IMMP2L: variants seen among roughly 807,000 people sequenced by gnomAD.
IMMP2L encodes the protein inner mitochondrial membrane peptidase subunit 2.
Under a neutral mutation model 19.3 loss-of-function variants are expected in IMMP2L, and 18 were observed. The observed-to-expected ratio is 0.93, with a 90% CI of 0.64 to 1.38. IMMP2L has a LOEUF of 1.38. Among genes scored for constraint, IMMP2L ranks in the 40% most tolerant of loss-of-function variants. The probability of loss-of-function intolerance (pLI) is 0.00; values close to 1 mark genes in which losing one functional copy is unlikely to be tolerated. For synonymous variants in IMMP2L, 76 were observed against 73.0 expected (o/e 1.04, Z -0.21); for missense variants, 233 against 218.2 (o/e 1.07, Z -0.43).
rs1418927843 is a variant in IMMP2L, at chr7:111,312,460, G to A, written c.239+174778C>T. Among the ~76,000 whole-genome samples the A allele has an allele frequency of 5.3e-5, 8 of 152,114 alleles. No homozygotes were observed. The East Asian group carries it at 1.3e-3, about 26-fold the overall frequency. On this transcript the variant is annotated intron_variant, in intron 3 of 5. Transcript: ENST00000405709. ...CTGCATCATTACTGCAATGATAAAA[G>A]ACAAGACAATTTGTGTTGGCAGTGG...
chr7:110,915,906 G>A (rs1265622020), intron 4 of IMMP2L, among the ~76,000 whole-genome samples: 1 of 152,168 alleles, frequency 6.6e-6, no homozygotes, highest in Non-Finnish European at 1.5e-5. Context: ...GCCATCTCCT[G>A]AGACATCCTA....
chr7:111,213,162 C>T lies in IMMP2L; in HGVS notation c.240-249597G>A, dbSNP rs991320819. ...GGCTCAGAGGTGCCTGCTGTCACTGCCTCGCCTCTCCTTGCTCCCTGCACT... is the reference window on the plus strand; with the variant it reads ...GGCTCAGAGGTGCCTGCTGTCACTGTCTCGCCTCTCCTTGCTCCCTGCACT... On this transcript the variant is annotated intron_variant, in intron 3 of 5. Transcript: ENST00000405709. This position sits in a 1 kb window ranked among gnomAD's most constrained non-coding sequence, Gnocchi z 4.8. Among the ~76,000 whole-genome samples, 2 of 152,224 alleles carry T rather than the reference C, an allele frequency of 1.3e-5. No homozygotes were observed. The highest frequency in any genetic ancestry group is 2.9e-5 in the Non-Finnish European group (2 of 68,038).
chr7:111,390,134 C>A (rs1449142710), intron 3 of IMMP2L, among the ~76,000 whole-genome samples: 4 of 152,134 alleles, frequency 2.6e-5, no homozygotes, highest in Non-Finnish European at 5.9e-5. Flanking sequence ...CAGTAGACAG[C>A]CGCCAGGTCA....
At chr7:111,298,926 G>A (rs1309626368) in intron 3 of IMMP2L, among the ~76,000 whole-genome samples, 1 of 151,914 alleles carries the variant, frequency 6.6e-6, no homozygotes, top group South Asian at 2.1e-4. Context: ...AAAATAAAGG[G>A]GTTAATATTG....
At chr7:111,470,637 C>T (rs1288976560) in intron 3 of IMMP2L, among the ~76,000 whole-genome samples, 1 of 149,148 alleles carries the variant, frequency 6.7e-6, no homozygotes, top group Middle Eastern at 3.4e-3. Context: ...AAAAACCAAA[C>T]ACCGCATGTT....
intron 5 of IMMP2L, among the ~76,000 whole-genome samples, chr7:110,876,001 G>T (rs912250801): frequency 3.3e-5 from 5 of 152,034 alleles, no homozygotes; most frequent in African/African-American, 1.2e-4. Context: ...CTTGAAAGTA[G>T]TGTGAACATT....
At chr7:111,140,156 T>C (rs968744569) in intron 3 of IMMP2L, among the ~76,000 whole-genome samples, 3 of 151,362 alleles carry the variant, frequency 2.0e-5, no homozygotes, top group Non-Finnish European at 3.0e-5. Flanking sequence ...AAAGACAGAG[T>C]TGGGGCAAGA....
intron 3 of IMMP2L, among the ~76,000 whole-genome samples, chr7:111,441,582 C>A: frequency 6.6e-6 from 1 of 151,484 alleles, no homozygotes. Context: ...ATAATCATAG[C>A]AGATATAATA....
At chr7:111,361,966 C>T (rs1829301313) in intron 3 of IMMP2L, among the ~76,000 whole-genome samples, 1 of 152,024 alleles carries the variant, frequency 6.6e-6, no homozygotes, top group African/African-American at 2.4e-5. Context: ...ACACAACATA[C>T]ATTTTCAGTT....
chr7:110,666,072 C>T (rs957386337), intron 5 of IMMP2L, among the ~76,000 whole-genome samples: 12 of 152,150 alleles, frequency 7.9e-5, no homozygotes, highest in Admixed American at 7.2e-4. Flanking sequence ...TCTGTGACTA[C>T]TTTTTATTTA....
At chr7:110,968,788 T>C (rs1268806616) in intron 3 of IMMP2L, among the ~76,000 whole-genome samples, 1 of 152,134 alleles carries the variant, frequency 6.6e-6, no homozygotes, top group Non-Finnish European at 1.5e-5. Context: ...AAAATGTTCC[T>C]ACCTAGAGCA....
intron 3 of IMMP2L, among the ~76,000 whole-genome samples, chr7:111,257,765 A>T (rs1201999013): frequency 6.6e-6 from 1 of 152,088 alleles, no homozygotes; most frequent in Non-Finnish European, 1.5e-5. Context: ...TACATCTTTT[A>T]AACACCTTTT....
intron 3 of IMMP2L, among the ~76,000 whole-genome samples, chr7:111,056,798 C>G (rs995867340): frequency 6.6e-6 from 1 of 152,018 alleles, no homozygotes; most frequent in African/African-American, 2.4e-5. Context: ...TAAGTGGAAG[C>G]AATTAATCAT....
intron 5 of IMMP2L, among the ~76,000 whole-genome samples, chr7:110,783,840 A>G (rs1455432525): frequency 6.6e-6 from 1 of 151,940 alleles, no homozygotes; most frequent in African/African-American, 2.4e-5. Flanking sequence ...ACATAATCCA[A>G]CAAGTTCATT....
chr7:110,955,845 A>C (rs533537139), intron 4 of IMMP2L, among the ~76,000 whole-genome samples: 1 of 148,644 alleles, frequency 6.7e-6, no homozygotes, highest in African/African-American at 2.6e-5. Flanking sequence ...CCAAAAAATG[A>C]CATAAATGAA....
chr7:111,499,808 T>C (rs114487347), intron 2 of IMMP2L, among the ~76,000 whole-genome samples: 3,041 of 152,204 alleles, frequency 0.02, 103 homozygotes, highest in African/African-American at 0.069. Flanking sequence ...GGCTCTTTTT[T>C]AAAAAGGAGG....
chr7:111,137,456 C>T (rs1162305996), intron 3 of IMMP2L, among the ~76,000 whole-genome samples: 1 of 152,136 alleles, frequency 6.6e-6, no homozygotes, highest in Non-Finnish European at 1.5e-5. Flanking sequence ...AAAAACACCA[C>T]CATATTGTTT....
At chr7:110,667,819 T>C (rs1457991376) in intron 5 of IMMP2L, among the ~76,000 whole-genome samples, 1 of 152,188 alleles carries the variant, frequency 6.6e-6, no homozygotes. Context: ...TGGGAATTTA[T>C]TAGATCAGCA....
At chr7:111,258,349 AG>A (rs1158172359) in intron 3 of IMMP2L, among the ~76,000 whole-genome samples, 1 of 152,138 alleles carries the variant, frequency 6.6e-6, no homozygotes, top group East Asian at 1.9e-4. Flanking sequence ...AAGAAGATCA[AG>A]GGTAAAATAT....
Sources: allele counts gnomAD v4.1 joint callset (sites outside exome capture counted in the v4.1 genomes callset), GRCh38; gene constraint gnomAD v4.1.1; non-coding constraint Gnocchi (gnomAD v3.1); transcripts MANE v1.5; gene names NCBI Gene and HGNC (gene_info 2026-07-23, HGNC 2026-07-21).